Variants in METTL15 observed in about 807,000 individuals in gnomAD.
The protein encoded by METTL15 is methyltransferase 15, mitochondrial 12S rRNA N4-cytidine, also known as 12S rRNA N(4)-cytidine methyltransferase METTL15.
A neutral mutation model predicts 38.3 loss-of-function variants in METTL15; 34 were observed. The observed-to-expected ratio is 0.89, with a 90% CI of 0.68 to 1.18. The LOEUF is 1.18. METTL15 is among the 50% of genes most tolerant of loss of function. The pLI is 0.00. For missense variants in METTL15, 438 were observed against 498.4 expected, an observed-to-expected ratio of 0.88 and a Z score of 1.15; for synonymous variants, 162 against 170.9, an observed-to-expected ratio of 0.95 and a Z score of 0.41.
intron 6 of METTL15, among the ~76,000 whole-genome samples, chr11:28,505,431 G>T (rs1851620368): frequency 6.6e-6 from 1 of 152,148 alleles, no homozygotes; most frequent in African/African-American, 2.4e-5. Flanking sequence ...TCTTTACCTG[G>T]AATGTTCTTT....
intron 4 of METTL15, among the ~76,000 whole-genome samples, chr11:28,271,699 C>A (rs537502269): frequency 6.6e-6 from 1 of 151,814 alleles, no homozygotes; most frequent in Admixed American, 6.6e-5. Flanking sequence ...AATTACTATA[C>A]TAAAAGCCAA....
rs1274506790 is a variant in METTL15, at chr11:28,109,403, TC to T, written c.-253-760del. 2.0e-5 allele frequency among the ~76,000 whole-genome samples: 3 copies of T among 152,186 alleles called. No homozygotes were observed. The East Asian group carries it at 5.8e-4, about 29-fold the overall frequency. ...TTGTATAGTACTTTACGTTTTGACTTCCCAGGTATTTTATTAGTCCCTTTAC... is the reference window on the plus strand; with the variant it reads ...TTGTATAGTACTTTACGTTTTGACTTCCAGGTATTTTATTAGTCCCTTTAC... On this transcript the variant is annotated intron_variant, in intron 1 of 6. Transcript: ENST00000407364.
chr11:28,466,168 A>G (rs1386020237), intron 6 of METTL15, among the ~76,000 whole-genome samples: 1 of 152,192 alleles, frequency 6.6e-6, no homozygotes, highest in Non-Finnish European at 1.5e-5. Context: ...TGGGTCAGAC[A>G]TCTACACCTG....
chr11:28,191,808 C>G (rs531001009), intron 3 of METTL15, among the ~76,000 whole-genome samples: 2 of 151,778 alleles, frequency 1.3e-5, no homozygotes, highest in Admixed American at 1.3e-4. Flanking sequence ...GCATTGTGTT[C>G]TGACTGTAAA....
intron 5 of METTL15, among the ~76,000 whole-genome samples, chr11:28,393,818 G>C (rs527789944): frequency 5.3e-5 from 8 of 152,206 alleles, no homozygotes; most frequent in African/African-American, 1.9e-4. Context: ...ACCAGAAGAT[G>C]AAGACCATTG....
At chr11:28,509,654 A>C (rs1473496438) in intron 6 of METTL15, among the ~76,000 whole-genome samples, 1 of 151,988 alleles carries the variant, frequency 6.6e-6, no homozygotes, top group African/African-American at 2.4e-5. Context: ...AAGTTGTTTT[A>C]CCTCTCTGGG....
intron 5 of METTL15, among the ~76,000 whole-genome samples, chr11:28,412,444 CGAGAGA>C (rs369213584): frequency 1.0e-4 from 15 of 146,492 alleles, no homozygotes; most frequent in African/African-American, 3.2e-4. Flanking sequence ...AGAGACCAAA[CGAGAGA>C]GAGAGAGAGA....
chr11:28,208,325 G>A (rs1288432222), intron 3 of METTL15, among the ~76,000 whole-genome samples: 6 of 152,062 alleles, frequency 3.9e-5, no homozygotes, highest in Non-Finnish European at 8.8e-5. Context: ...GTTGTCGTTA[G>A]TTTCAAAGAA....
At chr11:28,301,626 A>G (rs1856915883) in intron 6 of METTL15, among the ~76,000 whole-genome samples, 1 of 152,172 alleles carries the variant, frequency 6.6e-6, no homozygotes, top group Admixed American at 6.6e-5. Context: ...ATAATATTAC[A>G]AAAATAATTT....
chr11:28,113,754 C>A, intron 3 of METTL15, 150 bp downstream of exon 3: 1 of 796,656 alleles, frequency 1.3e-6, no homozygotes. Flanking sequence ...GATACACATT[C>A]AGTAGAAATT....
intron 5 of METTL15, among the ~76,000 whole-genome samples, chr11:28,372,717 CACTA>C (rs1202976455): frequency 1.3e-5 from 2 of 151,130 alleles, no homozygotes; most frequent in East Asian, 3.9e-4. Flanking sequence ...GTGCTGCACC[CACTA>C]ACTAGTCATC....
intron 5 of METTL15, among the ~76,000 whole-genome samples, chr11:28,394,683 T>A (rs1850550234): frequency 6.6e-6 from 1 of 152,114 alleles, no homozygotes; most frequent in South Asian, 2.1e-4. Context: ...CACATAAAGA[T>A]ACTAATGATT....
At chr11:28,452,042 G>C (rs1406308343) in intron 6 of METTL15, among the ~76,000 whole-genome samples, 2 of 152,226 alleles carry the variant, frequency 1.3e-5, no homozygotes, top group Non-Finnish European at 2.9e-5. Context: ...CCACTTAGCT[G>C]TCTTAGCTTC....
At chr11:28,327,545 A>T (rs1318948148) in intron 6 of METTL15, 3 of 152,700 alleles carry the variant, frequency 2.0e-5, no homozygotes, top group Non-Finnish European at 2.9e-5. Context: ...ATACTAATAA[A>T]TTATCACTTT....
At chr11:28,412,660 T>C (rs1364123705) in intron 5 of METTL15, among the ~76,000 whole-genome samples, 1 of 152,004 alleles carries the variant, frequency 6.6e-6, no homozygotes, top group African/African-American at 2.4e-5. Context: ...TTGCATGACT[T>C]CACTGATATG....
Position 28,330,962 on chromosome 11 carries a change from T to G in METTL15, c.*121T>G. The G allele has an allele frequency of 1.5e-6, 1 of 668,668 alleles. No homozygotes were observed. Among genetic ancestry groups the G allele is most frequent in the East Asian group, 2.8e-5 (1 of 35,384 alleles). 41.4% of individuals were successfully genotyped at this position (668,668 alleles called of 1,614,324 possible). ...GGGACAGTCTGAAAATTGATAGCAT[T>G]TAGCATTTCTTTTTTCTCAAAAAGA... On this transcript the variant is annotated 3_prime_UTR_variant, in exon 7 of 7. Transcript: ENST00000407364.
At chr11:28,237,824 C>T (rs911626528) in intron 4 of METTL15, among the ~76,000 whole-genome samples, 2 of 152,188 alleles carry the variant, frequency 1.3e-5, no homozygotes, top group African/African-American at 4.8e-5. Flanking sequence ...TTCTAACAGA[C>T]AGGACCCTCA....
chr11:28,222,160 A>C (rs138463644), intron 4 of METTL15, among the ~76,000 whole-genome samples: 4 of 152,170 alleles, frequency 2.6e-5, no homozygotes, highest in African/African-American at 9.7e-5. Flanking sequence ...GGTGGAGCCT[A>C]CAGAGGCAGG....
chr11:28,194,525 C>A (rs543467484), intron 3 of METTL15, among the ~76,000 whole-genome samples: 32 of 151,764 alleles, frequency 2.1e-4, no homozygotes, highest in Non-Finnish European at 3.5e-4. Flanking sequence ...GCGGTTGAAA[C>A]TATCAAGGTA....
Sources: gnomAD v4.1 joint callset for allele counts (sites outside exome capture counted in the v4.1 genomes callset) on GRCh38, gnomAD v4.1.1 for gene constraint, MANE v1.5 for transcripts, NCBI Gene and HGNC (gene_info 2026-07-23, HGNC 2026-07-21) for gene names.